The following BICD1 variants were observed in gnomAD, a reference collection of about 807,000 sequenced individuals.
BICD1 encodes BICD cargo adaptor 1, also known as protein bicaudal D homolog 1.
In BICD1, 35 loss-of-function variants were observed where a neutral mutation model predicts 92.5. The ratio of observed to expected loss-of-function variants is 0.38; its 90% CI spans 0.29 to 0.50. The LOEUF (loss-of-function observed/expected upper bound fraction) is 0.50, where lower values mean the gene tolerates loss of function less well. Ranked by LOEUF, BICD1 falls within the 20% of genes least tolerant of loss-of-function variation. The pLI, the probability that BICD1 is intolerant of heterozygous loss-of-function variation, is 0.93. For synonymous variants in BICD1, 429 were observed against 465.1 expected (o/e 0.92, Z 1.00); for missense variants, 950 against 1,189.8 (o/e 0.80, Z 2.97).
intron 3 of BICD1, among the ~76,000 whole-genome samples, chr12:32,304,799 C>T (rs1948167665): frequency 6.6e-6 from 1 of 152,166 alleles, no homozygotes; most frequent in Non-Finnish European, 1.5e-5. Context: ...CAGAGGATTG[C>T]TTGAGCCCAG....
At chr12:32,138,280 G>A (rs1942799407) in intron 1 of BICD1, among the ~76,000 whole-genome samples, 1 of 152,148 alleles carries the variant, frequency 6.6e-6, no homozygotes, top group Non-Finnish European at 1.5e-5. Flanking sequence ...AATTTGTCTA[G>A]CGATGGAACC....
chr12:32,240,994 G>A (rs1333797070), intron 2 of BICD1, among the ~76,000 whole-genome samples: 2 of 152,086 alleles, frequency 1.3e-5, no homozygotes, highest in Non-Finnish European at 2.9e-5. Context: ...CCTGCCTGGG[G>A]CCAGTCAGCA....
intron 1 of BICD1, among the ~76,000 whole-genome samples, chr12:32,117,748 ATATATATATAT>A (rs1261558138): frequency 1.1e-4 from 11 of 101,560 alleles, no homozygotes; most frequent in Admixed American, 1.2e-4. Flanking sequence ...ATATATATAT[ATATATATATAT>A]TTTTTTTTAA....
intron 2 of BICD1, among the ~76,000 whole-genome samples, chr12:32,235,720 A>G (rs937063821): frequency 8.9e-6 from 1 of 112,324 alleles, no homozygotes; most frequent in African/African-American, 3.6e-5. Context: ...TTTTTTTTTT[A>G]GACAGAGTCT....
chr12:32,365,111 C>G (rs1326850558), intron 8 of BICD1, among the ~76,000 whole-genome samples: 2 of 152,248 alleles, frequency 1.3e-5, no homozygotes, highest in African/African-American at 4.8e-5. Context: ...GTGGCGCACG[C>G]TTGTAATCCC....
At chr12:32,334,292 G>A (rs1938006356) in intron 5 of BICD1, among the ~76,000 whole-genome samples, 1 of 152,164 alleles carries the variant, frequency 6.6e-6, no homozygotes. Flanking sequence ...CTGGCTCGCA[G>A]CGGGCTTCTA....
chr12:32,133,722 A>G (rs1354044903), intron 1 of BICD1, among the ~76,000 whole-genome samples: 1 of 151,754 alleles, frequency 6.6e-6, no homozygotes, highest in Admixed American at 6.6e-5. Context: ...CAAACTAGCC[A>G]TGGATACTTT....
At chr12:32,244,651 A>C (rs1283250247) in intron 2 of BICD1, among the ~76,000 whole-genome samples, 1 of 139,008 alleles carries the variant, frequency 7.2e-6, no homozygotes, top group Admixed American at 7.3e-5. Context: ...TTTTTTTGAG[A>C]TGGAGTCTCA....
At chr12:32,126,668 A>C (rs1052924373) in intron 1 of BICD1, among the ~76,000 whole-genome samples, 2 of 152,102 alleles carry the variant, frequency 1.3e-5, no homozygotes, top group South Asian at 2.1e-4. Flanking sequence ...GAGGCAGGAG[A>C]ATTGCTTGAA....
intron 3 of BICD1, among the ~76,000 whole-genome samples, chr12:32,304,934 A>T (rs1293302154): frequency 6.6e-6 from 1 of 152,176 alleles, no homozygotes; most frequent in Non-Finnish European, 1.5e-5. Context: ...AAATGGGAAG[A>T]TCACTTGAGC....
rs948576449 is a variant in BICD1 at position 32,313,065 on chromosome 12, C to G, written c.1005+6943C>G. 3.3e-5 allele frequency among the ~76,000 whole-genome samples: 5 copies of G among 152,064 alleles called. No homozygotes were observed. The highest frequency in any genetic ancestry group is 2.6e-4 in the Admixed American group (4 of 15,258). On this transcript the variant is annotated intron_variant, in intron 4 of 9. Transcript: ENST00000652176. The surrounding 1 kb of genome is among the most constrained non-coding windows in gnomAD (Gnocchi z 4.2). Reference sequence around the variant, plus strand: ...AATTTCTGTCTTTGATAAATAGCCTCTAACTTTACATCTGCATAGAGTCAA... The same window carrying G: ...AATTTCTGTCTTTGATAAATAGCCTGTAACTTTACATCTGCATAGAGTCAA...
At chr12:32,224,992 A>G (rs1435576548) in intron 2 of BICD1, among the ~76,000 whole-genome samples, 1 of 152,132 alleles carries the variant, frequency 6.6e-6, no homozygotes, top group African/African-American at 2.4e-5. Flanking sequence ...GCGCCTGGCC[A>G]GTTCCATGAA....
At chr12:32,360,191 AAT>A (rs1337474709) in intron 8 of BICD1, among the ~76,000 whole-genome samples, 2 of 151,354 alleles carry the variant, frequency 1.3e-5, no homozygotes, top group Non-Finnish European at 3.0e-5. Context: ...AAAAAAAAAG[AAT>A]ATATGAGTTG....
At chr12:32,242,433 A>C (rs1032351758) in intron 2 of BICD1, among the ~76,000 whole-genome samples, 6 of 152,222 alleles carry the variant, frequency 3.9e-5, no homozygotes, top group Admixed American at 3.9e-4. Context: ...AGGCCAAGGC[A>C]GGAGAATTGC....
chr12:32,172,679 G>A (rs185988741), intron 1 of BICD1, among the ~76,000 whole-genome samples: 143 of 152,178 alleles, frequency 9.4e-4, no homozygotes, highest in African/African-American at 3.3e-3. Context: ...TTTTATGAAT[G>A]GTCAGTGTTA....
intron 1 of BICD1, among the ~76,000 whole-genome samples, chr12:32,150,213 T>A (rs1360865628): frequency 6.6e-6 from 1 of 152,130 alleles, no homozygotes; most frequent in Non-Finnish European, 1.5e-5. Flanking sequence ...AAGATGAGAT[T>A]TGGGTGGGGA....
chr12:32,356,705 A>G (rs186995720), intron 8 of BICD1, among the ~76,000 whole-genome samples: 1 of 152,192 alleles, frequency 6.6e-6, no homozygotes, highest in East Asian at 1.9e-4. Context: ...AAATGCAAGG[A>G]AATTATTGTG....
chr12:32,302,156 G>A (rs1324477867), intron 3 of BICD1, among the ~76,000 whole-genome samples: 1 of 152,136 alleles, frequency 6.6e-6, no homozygotes, highest in Admixed American at 6.5e-5. Context: ...AAAGTGCTGG[G>A]ATTACAGGCG....
rs1291647933 is a variant in BICD1 at position 32,382,508 on chromosome 12, T to C, written c.*4881T>C. 6.6e-6 allele frequency: 1 copy of C among 151,964 alleles called. No individual in the cohort carries two copies. The highest frequency in any genetic ancestry group is 2.4e-5 in the African/African-American group (1 of 41,434). 9.4% of individuals were successfully genotyped at this position (151,964 alleles called of 1,614,324 possible). A position where few individuals can be genotyped will look rare whatever the true frequency, so the allele number is the denominator to read the frequency against. ...AGGAGATTGTTATCTATATCTAGTCTCCTTTCCATATTGAACTGCATGGCT... is the reference window on the plus strand; with the variant it reads ...AGGAGATTGTTATCTATATCTAGTCCCCTTTCCATATTGAACTGCATGGCT... On this transcript the variant is annotated 3_prime_UTR_variant, in exon 10 of 10. Transcript: ENST00000652176.
Sources: allele counts gnomAD v4.1 joint callset (sites outside exome capture counted in the v4.1 genomes callset), GRCh38; gene constraint gnomAD v4.1.1; non-coding constraint Gnocchi (gnomAD v3.1); transcripts MANE v1.5; gene names NCBI Gene and HGNC (gene_info 2026-07-23, HGNC 2026-07-21).